NRXN3: variants seen among roughly 807,000 people sequenced by gnomAD.
The protein encoded by NRXN3 is neurexin 3, also known as neurexin III.
A neutral mutation model predicts 137.6 loss-of-function variants in NRXN3; 32 were observed. The observed-to-expected ratio is 0.23, with a 90% confidence interval of 0.18 to 0.31. The LOEUF is 0.31. Ranked by LOEUF, NRXN3 falls within the 10% of genes least tolerant of loss-of-function variation. The probability of loss-of-function intolerance (pLI) is 1.00; values close to 1 mark genes in which losing one functional copy is unlikely to be tolerated. For missense variants in NRXN3, 1,574 were observed against 2,062.5 expected, an observed-to-expected ratio of 0.76 and a Z score of 4.59; for synonymous variants, 798 against 784.5, an observed-to-expected ratio of 1.02 and a Z score of -0.29.
At chr14:79,243,995 A>G (rs1257095667) in intron 15 of NRXN3, among the ~76,000 whole-genome samples, 1 of 152,146 alleles carries the variant, frequency 6.6e-6, no homozygotes, top group Non-Finnish European at 1.5e-5. Flanking sequence ...AACATCACCA[A>G]ACAAAGCTAC....
At chr14:79,198,753 A>C (rs1261299198) in intron 15 of NRXN3, among the ~76,000 whole-genome samples, 2 of 152,202 alleles carry the variant, frequency 1.3e-5, no homozygotes, top group East Asian at 3.9e-4. Flanking sequence ...GAAACCTTGA[A>C]TCTGAGGAAT....
chr14:79,658,461 G>A (rs1351158194), intron 16 of NRXN3, among the ~76,000 whole-genome samples: 1 of 152,170 alleles, frequency 6.6e-6, no homozygotes, highest in Admixed American at 6.6e-5. Flanking sequence ...TTTGCTGGGT[G>A]CAGTGGTTGA....
chr14:78,963,963 CTTGCTATA>C (rs2099412879), intron 11 of NRXN3, among the ~76,000 whole-genome samples: 1 of 151,778 alleles, frequency 6.6e-6, no homozygotes, highest in African/African-American at 2.4e-5. Context: ...GAGACTGGGT[CTTGCTATA>C]TTGCCCAGGC....
chr14:79,055,750 T>G (rs2099659417), intron 15 of NRXN3, among the ~76,000 whole-genome samples: 1 of 152,008 alleles, frequency 6.6e-6, no homozygotes, highest in Non-Finnish European at 1.5e-5. Flanking sequence ...ATAAATAAAT[T>G]TTAAGTAGGG....
At chr14:78,897,887 AT>A (rs775159635) in intron 10 of NRXN3, among the ~76,000 whole-genome samples, 45 of 152,040 alleles carry the variant, frequency 3.0e-4, no homozygotes, top group East Asian at 1.2e-3. Context: ...TACCTTATTA[AT>A]TTATGCTTAG....
intron 8 of NRXN3, among the ~76,000 whole-genome samples, chr14:78,725,612 G>A (rs1239650534): frequency 6.6e-6 from 1 of 152,166 alleles, no homozygotes; most frequent in Non-Finnish European, 1.5e-5. Context: ...TGAGAGTAGA[G>A]GTAGAAGGAG....
intron 4 of NRXN3, among the ~76,000 whole-genome samples, chr14:78,473,127 G>T (rs1204302146): frequency 5.9e-5 from 9 of 152,198 alleles, no homozygotes; most frequent in African/African-American, 2.2e-4. Context: ...TTCTGGCCGG[G>T]CGTGGTGGCT....
In NRXN3 at chr14:79,292,657, T is replaced by C. The variant is rs1348026344; in HGVS notation, c.3263-174564T>C. 2.0e-5 allele frequency among the ~76,000 whole-genome samples: 3 copies of C among 152,232 alleles called. No individual in the cohort carries two copies. The East Asian group carries it at 5.8e-4, about 29-fold the overall frequency. On this transcript the variant is annotated intron_variant, in intron 15 of 20. Transcript: ENST00000335750. Reference sequence around the variant, plus strand: ...TTTTAATCTTGGCCCTTCATACATATGGTAGTAGTTCTTTAAATATGAGGG... The same window carrying C: ...TTTTAATCTTGGCCCTTCATACATACGGTAGTAGTTCTTTAAATATGAGGG...
chr14:78,302,118 C>T (rs921143459), intron 4 of NRXN3, among the ~76,000 whole-genome samples: 4 of 152,208 alleles, frequency 2.6e-5, no homozygotes, highest in Non-Finnish European at 5.9e-5. Flanking sequence ...TTTTCTGATG[C>T]GTGTGGCACT....
rs146886792 is a variant in NRXN3, at chr14:78,692,910, G to T, written c.1222-16307G>T. ...AGCCTGGCCAACATAGTGAAATCCC[G>T]TCTCTACTAATAATACAAATATTAG... On this transcript the variant is annotated intron_variant, in intron 6 of 20. Transcript: ENST00000335750. Among the ~76,000 whole-genome samples the T allele has an allele frequency of 4.3e-4, 64 of 150,096 alleles. 3 individuals carry two copies. The highest frequency in any genetic ancestry group is 2.7e-3 in the South Asian group (13 of 4,740).
chr14:79,409,816 A>G (rs1204405051), intron 15 of NRXN3, among the ~76,000 whole-genome samples: 1 of 151,476 alleles, frequency 6.6e-6, no homozygotes, highest in Non-Finnish European at 1.5e-5. Context: ...CTGCTTTCTT[A>G]CTACAATGGC....
At chr14:78,309,553 A>T (rs183532210) in intron 4 of NRXN3, among the ~76,000 whole-genome samples, 2 of 152,144 alleles carry the variant, frequency 1.3e-5, no homozygotes, top group Admixed American at 1.3e-4. Flanking sequence ...AAGAAAAAAA[A>T]ACTACTGGGA....
intron 1 of NRXN3, among the ~76,000 whole-genome samples, chr14:78,229,878 A>C (rs191740778): frequency 6.6e-6 from 1 of 152,036 alleles, no homozygotes; most frequent in Non-Finnish European, 1.5e-5. Context: ...TTGGCAGTGG[A>C]GGGGATAATA....
intron 4 of NRXN3, among the ~76,000 whole-genome samples, chr14:78,486,249 T>G (rs567246357): frequency 6.6e-6 from 1 of 152,164 alleles, no homozygotes; most frequent in Non-Finnish European, 1.5e-5. Flanking sequence ...GGCCTACCTT[T>G]TTCCTGCCCC....
At chr14:79,236,324 T>C (rs946286205) in intron 15 of NRXN3, among the ~76,000 whole-genome samples, 4 of 152,120 alleles carry the variant, frequency 2.6e-5, no homozygotes, top group Non-Finnish European at 4.4e-5. Context: ...TATATATATG[T>C]ATGTGTATTT....
intron 4 of NRXN3, among the ~76,000 whole-genome samples, chr14:78,629,985 A>C (rs1296865387): frequency 1.3e-5 from 2 of 152,244 alleles, no homozygotes; most frequent in Non-Finnish European, 2.9e-5. Flanking sequence ...TTATTTGCCA[A>C]TGATTCTAGC....
At chr14:79,804,904 C>T (rs568169324) in intron 19 of NRXN3, among the ~76,000 whole-genome samples, 10 of 152,242 alleles carry the variant, frequency 6.6e-5, no homozygotes, top group Non-Finnish European at 2.9e-5. Context: ...GGAAGACCCC[C>T]CTAAGACGGT....
At chr14:78,637,856 A>G (rs1295502388) in intron 4 of NRXN3, among the ~76,000 whole-genome samples, 2 of 152,252 alleles carry the variant, frequency 1.3e-5, no homozygotes, top group African/African-American at 4.8e-5. Flanking sequence ...CAAGGTTGCC[A>G]TGTGACTTAA....
intron 15 of NRXN3, among the ~76,000 whole-genome samples, chr14:79,395,788 G>T (rs2095002990): frequency 6.7e-6 from 1 of 149,110 alleles, no homozygotes; most frequent in African/African-American, 2.5e-5. Flanking sequence ...CCCGCTGGGT[G>T]ACAGAGCTAG....
Sources: gnomAD v4.1 joint callset for allele counts (sites outside exome capture counted in the v4.1 genomes callset) on GRCh38, gnomAD v4.1.1 for gene constraint, MANE v1.5 for transcripts, NCBI Gene and HGNC (gene_info 2026-07-23, HGNC 2026-07-21) for gene names.